Variants in FOCAD observed in about 807,000 individuals in gnomAD.
FOCAD encodes the protein focadhesin.
In FOCAD, 198 loss-of-function variants were observed where a neutral mutation model predicts 225.6. The observed-to-expected ratio is 0.88, with a 90% CI of 0.78 to 0.99. FOCAD has a LOEUF of 0.99. FOCAD is among the 50% of genes least tolerant of loss of function. The pLI, the probability that FOCAD is intolerant of heterozygous loss-of-function variation, is 0.00. For missense variants in FOCAD, 2,713 were observed against 2,123.6 expected (o/e 1.28, Z -5.46); for synonymous variants, 897 against 755.0 (o/e 1.19, Z -3.08).
At chr9:20,721,218 AT>A (rs1273612471) in intron 4 of FOCAD, among the ~76,000 whole-genome samples, 2 of 152,122 alleles carry the variant, frequency 1.3e-5, no homozygotes, top group African/African-American at 4.8e-5. Context: ...ATATGTCCTA[AT>A]TTTTGACTAC....
chr9:20,661,727 C>G (rs1453376644), intron 2 of FOCAD, among the ~76,000 whole-genome samples: 2 of 152,096 alleles, frequency 1.3e-5, no homozygotes, highest in African/African-American at 4.8e-5. Flanking sequence ...GCTGCAAGCC[C>G]TATGGAAGTT....
rs761092805 is a variant in FOCAD at position 20,770,200 on chromosome 9, A to G, written c.868A>G (p.Ile290Val). 10 of 1,613,976 alleles carry G rather than the reference A, an allele frequency of 6.2e-6. No homozygotes were observed. Among genetic ancestry groups the G allele is most frequent in the Middle Eastern group, 1.6e-4 (1 of 6,080 alleles). ...LKITGECSSS[I>V]HLLEHSVELL... is the part of the protein sequence containing the mutation. ...GATAACTGGTGAATGTTCATCTTCA[A>G]TTCACCTTTTAGAGCACAGTGTTGA... Residue 290 changes from isoleucine to valine, a missense_variant, in exon 8 of 44, where the codon ATT becomes GTT. Physicochemically the swap from Ile to Val is conservative, Grantham distance 29. Transcript: ENST00000338382.
chr9:20,887,897 A>G (rs1831240876), intron 21 of FOCAD, among the ~76,000 whole-genome samples: 1 of 152,140 alleles, frequency 6.6e-6, no homozygotes, highest in South Asian at 2.1e-4. Flanking sequence ...GATGAGTAGT[A>G]TTAGTTTCCC....
rs1828228636 is a variant in FOCAD, at chr9:20,856,794, C to T, written c.1921-5784C>T. Among the ~76,000 whole-genome samples the T allele has an allele frequency of 3.9e-5, 6 of 152,120 alleles. No homozygotes were observed. In the South Asian group the frequency reaches 1.2e-3, roughly 32 times the overall value. Reference sequence around the variant, plus strand: ...ATGGTGAGAGATAGGGGTCAAGTTTCATTCTTCTGCATATGGTTATCCAGT... The same window carrying T: ...ATGGTGAGAGATAGGGGTCAAGTTTTATTCTTCTGCATATGGTTATCCAGT... On this transcript the variant is annotated intron_variant, in intron 15 of 43. Coordinates refer to ENST00000338382, the MANE Select transcript of FOCAD (RefSeq NM_001375567.1).
intron 6 of FOCAD, among the ~76,000 whole-genome samples, chr9:20,761,513 C>T (rs990153753): frequency 6.6e-6 from 1 of 151,984 alleles, no homozygotes; most frequent in African/African-American, 2.4e-5. Flanking sequence ...CTCTGCCTCA[C>T]GGGTTCACGC....
chr9:20,804,854 A>G (rs1348382399), intron 11 of FOCAD, among the ~76,000 whole-genome samples: 1 of 150,706 alleles, frequency 6.6e-6, no homozygotes, highest in Non-Finnish European at 1.5e-5. Flanking sequence ...GGAAAAAAAA[A>G]TCAGTGGCGG....
At chr9:20,881,109 T>C (rs1420112072) in intron 19 of FOCAD, among the ~76,000 whole-genome samples, 7 of 152,222 alleles carry the variant, frequency 4.6e-5, no homozygotes, top group Admixed American at 4.6e-4. Flanking sequence ...ATTGTCCTAA[T>C]ATTGCTAAGT....
chr9:20,885,426 C>T (rs1312488117), intron 21 of FOCAD, 196 bp downstream of exon 21: 2 of 362,002 alleles, frequency 5.5e-6, no homozygotes, highest in Non-Finnish European at 9.1e-6. Context: ...TGTTTTCCCC[C>T]ACTGCCCAGC....
At chr9:20,919,639 G>A (rs1207865845) in intron 24 of FOCAD, among the ~76,000 whole-genome samples, 1 of 152,124 alleles carries the variant, frequency 6.6e-6, no homozygotes, top group African/African-American at 2.4e-5. Context: ...ACAGAACAGA[G>A]CTCTCAGAAA....
chr9:20,687,317 A>G (rs1283752494), intron 1 of FOCAD, among the ~76,000 whole-genome samples: 1 of 152,206 alleles, frequency 6.6e-6, no homozygotes, highest in Admixed American at 6.5e-5. Flanking sequence ...TGGAGAAGGT[A>G]TCTTCTAATC....
chr9:20,871,215 A>G (rs1829735608), intron 18 of FOCAD, among the ~76,000 whole-genome samples: 1 of 152,004 alleles, frequency 6.6e-6, no homozygotes. Context: ...AAAAAAAAAC[A>G]AAGTAAATTA....
chr9:20,803,069 G>A (rs188161395), intron 11 of FOCAD, among the ~76,000 whole-genome samples: 106 of 152,136 alleles, frequency 7.0e-4, no homozygotes, highest in Non-Finnish European at 1.2e-4. Flanking sequence ...TACTTTATAT[G>A]TATTTAGTGT....
At chr9:20,687,163 A>G (rs1822718068) in intron 1 of FOCAD, among the ~76,000 whole-genome samples, 1 of 152,152 alleles carries the variant, frequency 6.6e-6, no homozygotes, top group Non-Finnish European at 1.5e-5. Context: ...ATAGCTTTCC[A>G]TTGTTCATGA....
intron 5 of FOCAD, among the ~76,000 whole-genome samples, chr9:20,757,337 A>G (rs534750747): frequency 2.6e-5 from 4 of 152,370 alleles, no homozygotes; most frequent in African/African-American, 9.6e-5. Context: ...AATTATTAGT[A>G]GAGTAGCCTT....
intron 20 of FOCAD, 85 bp downstream of exon 20, chr9:20,882,141 G>T (rs1830723268): frequency 8.3e-7 from 1 of 1,209,500 alleles, no homozygotes; most frequent in Non-Finnish European, 1.2e-6. Context: ...AATGGGCCAT[G>T]GCAGGGTGTT....
At position 20,981,456 on chromosome 9, in the gene FOCAD, G is replaced by C. The variant is rs1375092633; in HGVS notation, c.4408G>C (p.Ala1470Pro). Residue 1470 changes from alanine to proline, a missense_variant, in exon 38 of 44, where the codon GCA (alanine) becomes CCA (proline). Transcript: ENST00000338382. ...LNTKRYLLIS[A>P]PLWIKHISDE... ...TACCAAGAGATATCTCCTGATATCT[G>C]CACCTCTGTGGATAAAACACATCTC... 6.2e-7 allele frequency: 1 copy of C among 1,614,096 alleles called. No individual in the cohort carries two copies. The highest frequency in any genetic ancestry group is 1.7e-5 in the Admixed American group (1 of 60,028).
intron 5 of FOCAD, among the ~76,000 whole-genome samples, chr9:20,755,169 C>T (rs896190264): frequency 1.3e-5 from 2 of 152,180 alleles, no homozygotes; most frequent in South Asian, 4.1e-4. Context: ...TGTATCATCA[C>T]CTGCAATATT....
intron 26 of FOCAD, among the ~76,000 whole-genome samples, 192 bp downstream of exon 26, chr9:20,926,609 C>T (rs1189896362): frequency 6.6e-6 from 1 of 151,912 alleles, no homozygotes; most frequent in Non-Finnish European, 1.5e-5. Flanking sequence ...CATGGAGAAA[C>T]CGCATCTCTA....
At chr9:20,706,290 T>G (rs1315752877) in intron 1 of FOCAD, among the ~76,000 whole-genome samples, 1 of 152,130 alleles carries the variant, frequency 6.6e-6, no homozygotes, top group Non-Finnish European at 1.5e-5. Flanking sequence ...AGCAATCAGT[T>G]CTGACTTGGA....
Sources: allele counts gnomAD v4.1 joint callset (sites outside exome capture counted in the v4.1 genomes callset), GRCh38; gene constraint gnomAD v4.1.1; transcripts MANE v1.5; gene names NCBI Gene and HGNC (gene_info 2026-07-23, HGNC 2026-07-21).